The following KIAA0825 variants were observed in gnomAD, a reference collection of about 807,000 sequenced individuals.
The protein encoded by KIAA0825 is KIAA0825, also known as uncharacterized protein KIAA0825.
A neutral mutation model predicts 147.6 loss-of-function variants in KIAA0825; 119 were observed. The ratio of observed to expected loss-of-function variants is 0.81; its 90% CI spans 0.69 to 0.94. The LOEUF (loss-of-function observed/expected upper bound fraction) is 0.94, where lower values mean the gene tolerates loss of function less well. Ranked by LOEUF, KIAA0825 falls within the 40% of genes least tolerant of loss-of-function variation. The pLI, the probability that KIAA0825 is intolerant of heterozygous loss-of-function variation, is 0.00. For missense variants in KIAA0825, 1,381 were observed against 1,472.7 expected (o/e 0.94, Z 1.02); for synonymous variants, 470 against 518.1 (o/e 0.91, Z 1.26).
intron 20 of KIAA0825, among the ~76,000 whole-genome samples, chr5:94,279,998 G>A (rs1489296564): frequency 6.6e-6 from 1 of 152,068 alleles, no homozygotes; most frequent in Non-Finnish European, 1.5e-5. Context: ...GGGATAAAAA[G>A]CATCAAACGA....
chr5:94,275,248 C>T (rs1245974149), intron 20 of KIAA0825, among the ~76,000 whole-genome samples: 2 of 152,188 alleles, frequency 1.3e-5, no homozygotes, highest in South Asian at 2.1e-4. Flanking sequence ...CTGTGTACTT[C>T]GGAGAGTTGT....
At chr5:94,332,140 G>T (rs1781333260) in intron 20 of KIAA0825, among the ~76,000 whole-genome samples, 1 of 133,452 alleles carries the variant, frequency 7.5e-6, no homozygotes, top group Admixed American at 8.3e-5. Context: ...CAGCCTGGGC[G>T]ACAGACTGAG....
At chr5:94,361,980 A>G (rs1046277668) in intron 20 of KIAA0825, among the ~76,000 whole-genome samples, 1 of 152,210 alleles carries the variant, frequency 6.6e-6, no homozygotes, top group African/African-American at 2.4e-5. Context: ...CATTAAGAGC[A>G]AGACAAATCA....
At chr5:94,546,341 GTA>G (rs1774350739) in intron 2 of KIAA0825, among the ~76,000 whole-genome samples, 1 of 152,178 alleles carries the variant, frequency 6.6e-6, no homozygotes, top group Admixed American at 6.5e-5. Context: ...CCCACCTGTT[GTA>G]TAGAGATTCC....
At chr5:94,539,149 T>A (rs1261250403) in intron 2 of KIAA0825, among the ~76,000 whole-genome samples, 1 of 152,112 alleles carries the variant, frequency 6.6e-6, no homozygotes, top group Non-Finnish European at 1.5e-5. Context: ...TAACCTCAGT[T>A]GTCCTCACTG....
chr5:94,531,409 C>A (rs1470094063), intron 3 of KIAA0825, among the ~76,000 whole-genome samples: 1 of 152,202 alleles, frequency 6.6e-6, no homozygotes, highest in Non-Finnish European at 1.5e-5. Flanking sequence ...CTTACCACCA[C>A]CTCTACCTGC....
At chr5:94,173,713 G>A (rs561965569) in intron 20 of KIAA0825, among the ~76,000 whole-genome samples, 1 of 152,236 alleles carries the variant, frequency 6.6e-6, no homozygotes, top group Admixed American at 6.5e-5. Flanking sequence ...TCTTGATGGG[G>A]GCATGGCAAG....
intron 3 of KIAA0825, among the ~76,000 whole-genome samples, chr5:94,530,069 G>A (rs190713912): frequency 1.8e-3 from 266 of 151,980 alleles, no homozygotes; most frequent in African/African-American, 6.0e-3. Context: ...TCAGGGGTTC[G>A]AGACCAGCCT....
In KIAA0825 at chr5:94,537,110, T is replaced by C. The variant is rs780471786; in HGVS notation, c.17A>G (p.Glu6Gly). 2 of 1,611,210 alleles carry C rather than the reference T, an allele frequency of 1.2e-6. No homozygotes were observed. The highest frequency in any genetic ancestry group is 2.2e-5 in the East Asian group (1 of 44,764). ...TAGGTCAAAAGAATTATGAGAATAT[T>C]CATCATCCCAATCCATTCTGAGGAG... is the stretch of plus-strand genomic sequence containing the variant. MDWDD[E>G]YSHNSFDLHC... The change falls in exon 3 of 21, where the codon GAA (glutamate) becomes GGA (glycine). Residue 6 changes from glutamate (E) to glycine (G), a missense_variant. Physicochemically the swap from Glu to Gly is moderately conservative, Grantham distance 98. Transcript: ENST00000682413.
At chr5:94,490,095 G>T (rs1198814237) in intron 5 of KIAA0825, among the ~76,000 whole-genome samples, 1 of 151,930 alleles carries the variant, frequency 6.6e-6, no homozygotes, top group Non-Finnish European at 1.5e-5. Flanking sequence ...ACTGCTGTTA[G>T]GAAAAAAACC....
At chr5:94,515,107 T>C (rs545867323) in intron 5 of KIAA0825, among the ~76,000 whole-genome samples, 1 of 152,322 alleles carries the variant, frequency 6.6e-6, no homozygotes, top group East Asian at 1.9e-4. Context: ...TTCTATCTTT[T>C]CATATTAAAA....
intron 5 of KIAA0825, 140 bp downstream of exon 5, chr5:94,520,108 G>A: frequency 8.3e-7 from 1 of 1,209,592 alleles, no homozygotes; most frequent in East Asian, 2.8e-5. Flanking sequence ...CATGAGAAAT[G>A]TATACTGCAA....
rs1171635283 is a variant in KIAA0825, at chr5:94,153,231, T to G, written c.*776A>C. On this transcript the variant is annotated 3_prime_UTR_variant, in exon 21 of 21. Coordinates refer to ENST00000682413, the MANE Select transcript of KIAA0825 (RefSeq NM_001145678.3). Reference sequence around the variant, plus strand: ...ATGAAAAAATTTTAAAGTAACACATTATATGAGCTAATGAGCTTTGGGGTA... The same window carrying G: ...ATGAAAAAATTTTAAAGTAACACATGATATGAGCTAATGAGCTTTGGGGTA... The G allele has an allele frequency of 1.3e-5, 2 of 151,884 alleles. No individual in the cohort carries two copies. Among genetic ancestry groups the G allele is most frequent in the African/African-American group, 4.8e-5 (2 of 41,338 alleles). 9.4% of individuals were successfully genotyped at this position (151,884 alleles called of 1,614,324 possible).
At chr5:94,449,353 G>A (rs1758108945) in intron 13 of KIAA0825, among the ~76,000 whole-genome samples, 1 of 152,060 alleles carries the variant, frequency 6.6e-6, no homozygotes, top group African/African-American at 2.4e-5. Flanking sequence ...TTTTAAACAC[G>A]TTAAATGATA....
chr5:94,397,490 C>T (rs1328436191), intron 16 of KIAA0825, among the ~76,000 whole-genome samples: 3 of 152,048 alleles, frequency 2.0e-5, no homozygotes, highest in Non-Finnish European at 2.9e-5. Context: ...AAGACTGTTC[C>T]AATTAATTTT....
intron 5 of KIAA0825, among the ~76,000 whole-genome samples, chr5:94,505,092 G>A (rs1765586252): frequency 6.6e-6 from 1 of 151,740 alleles, no homozygotes; most frequent in Non-Finnish European, 1.5e-5. Flanking sequence ...AGGCACGGAG[G>A]CTCACACCTG....
At chr5:94,182,522 A>G (rs1249739698) in intron 20 of KIAA0825, among the ~76,000 whole-genome samples, 5 of 151,418 alleles carry the variant, frequency 3.3e-5, no homozygotes, top group Admixed American at 3.3e-4. Context: ...GCCCTTCCAA[A>G]GTGGTAGGAT....
intron 20 of KIAA0825, among the ~76,000 whole-genome samples, chr5:94,333,655 T>C (rs1374074143): frequency 1.3e-5 from 2 of 152,154 alleles, no homozygotes; most frequent in Non-Finnish European, 2.9e-5. Flanking sequence ...TGAAGTCAGG[T>C]AATGTGATGC....
chr5:94,477,924 G>A (rs1317777089), intron 6 of KIAA0825, among the ~76,000 whole-genome samples: 1 of 152,116 alleles, frequency 6.6e-6, no homozygotes, highest in East Asian at 1.9e-4. Context: ...ATTTGATTCA[G>A]TATGAATAAT....
Sources: allele counts gnomAD v4.1 joint callset (sites outside exome capture counted in the v4.1 genomes callset), GRCh38; gene constraint gnomAD v4.1.1; transcripts MANE v1.5; gene names NCBI Gene and HGNC (gene_info 2026-07-23, HGNC 2026-07-21).